PARD3: variants seen among roughly 807,000 people sequenced by gnomAD.
PARD3 encodes the protein par-3 family cell polarity regulator.
A neutral mutation model predicts 155.4 loss-of-function variants in PARD3; 75 were observed. The observed-to-expected ratio is 0.48, with a 90% CI of 0.40 to 0.58. PARD3 has a LOEUF of 0.58. Ranked by LOEUF, PARD3 falls within the 20% of genes least tolerant of loss-of-function variation. The probability of loss-of-function intolerance (pLI) is 0.00; values close to 1 mark genes in which losing one functional copy is unlikely to be tolerated. For synonymous variants in PARD3, 576 were observed against 610.5 expected (o/e 0.94, Z 0.83); for missense variants, 1,642 against 1,721.7 (o/e 0.95, Z 0.82).
chr10:34,538,623 G>A (rs1344086183), intron 2 of PARD3, among the ~76,000 whole-genome samples: 4 of 152,174 alleles, frequency 2.6e-5, no homozygotes, highest in Admixed American at 1.3e-4. Context: ...CACACCAACC[G>A]AGGGAGTGAA....
chr10:34,481,852 A>T (rs1272464925), intron 3 of PARD3, among the ~76,000 whole-genome samples: 1 of 151,966 alleles, frequency 6.6e-6, no homozygotes, highest in African/African-American at 2.4e-5. Context: ...CATTTATTTG[A>T]GACAGGGTCT....
chr10:34,473,636 G>A (rs2078509793), intron 3 of PARD3, among the ~76,000 whole-genome samples: 1 of 152,174 alleles, frequency 6.6e-6, no homozygotes, highest in Admixed American at 6.5e-5. Context: ...CCAAACTGAG[G>A]ACTGGCTAAA....
chr10:34,217,410 A>ATT (rs1952053752), intron 22 of PARD3, among the ~76,000 whole-genome samples: 1 of 152,162 alleles, frequency 6.6e-6, no homozygotes, highest in Admixed American at 6.5e-5. Flanking sequence ...CCTTTGTACA[A>ATT]GTCTCAATAC....
rs528962680 is a variant in PARD3, at chr10:34,783,150, T to A, written c.120+31726A>T. Among the ~76,000 whole-genome samples the A allele has an allele frequency of 1.2e-4, 19 of 152,344 alleles. No homozygotes were observed. In the East Asian group the frequency reaches 3.7e-3, roughly 29 times the overall value. ...AGGGACAATAGGTAAAAAGCATTAA[T>A]TTGGGAGTATAACACACTGAATGAT... On this transcript the variant is annotated intron_variant, in intron 1 of 24. Transcript: ENST00000374788.
chr10:34,219,774 G>T (rs896580152), intron 22 of PARD3, among the ~76,000 whole-genome samples: 4 of 152,160 alleles, frequency 2.6e-5, no homozygotes. Context: ...CCACTAGTGT[G>T]AGTCTATTTT....
At chr10:34,768,015 AC>A (rs1457227075) in intron 1 of PARD3, among the ~76,000 whole-genome samples, 4 of 152,246 alleles carry the variant, frequency 2.6e-5, no homozygotes, top group African/African-American at 9.6e-5. Context: ...GTTTTCAAAA[AC>A]ATATGTGCAA....
chr10:34,795,118 C>T (rs1842103457), intron 1 of PARD3, among the ~76,000 whole-genome samples: 1 of 152,216 alleles, frequency 6.6e-6, no homozygotes. Context: ...TCCAGGAGCC[C>T]TGAGCCACAG....
chr10:34,466,533 T>G (rs1490647984), intron 4 of PARD3, among the ~76,000 whole-genome samples: 1 of 152,154 alleles, frequency 6.6e-6, no homozygotes, highest in African/African-American at 2.4e-5. Context: ...CACTTAACTA[T>G]GTAGATGAGT....
chr10:34,459,571 C>A (rs2132924186), intron 4 of PARD3, among the ~76,000 whole-genome samples: 1 of 152,098 alleles, frequency 6.6e-6, no homozygotes, highest in African/African-American at 2.4e-5. Context: ...ATGCACAATA[C>A]AAAAAGAAGG....
chr10:34,367,673 A>AG (rs1840108745), intron 12 of PARD3, among the ~76,000 whole-genome samples: 1 of 152,188 alleles, frequency 6.6e-6, no homozygotes, highest in African/African-American at 2.4e-5. Flanking sequence ...ACTGCACTCC[A>AG]GCCTGGGCAA....
chr10:34,227,573 G>A (rs1487500686), intron 22 of PARD3, among the ~76,000 whole-genome samples: 1 of 152,190 alleles, frequency 6.6e-6, no homozygotes, highest in Non-Finnish European at 1.5e-5. Context: ...GGGAGGCAGA[G>A]GTTGCAGTGA....
chr10:34,766,889 T>C (rs1014206846), intron 1 of PARD3, among the ~76,000 whole-genome samples: 5 of 152,092 alleles, frequency 3.3e-5, no homozygotes, highest in African/African-American at 9.7e-5. Context: ...AGGAAAGGTT[T>C]TGTGGAAGAA....
chr10:34,476,491 T>C (rs918480629), intron 3 of PARD3, among the ~76,000 whole-genome samples: 3 of 152,026 alleles, frequency 2.0e-5, no homozygotes, highest in Non-Finnish European at 2.9e-5. Context: ...GAAATGATCT[T>C]AGTGATCCCT....
At chr10:34,124,740 T>C (rs1055436716) in intron 23 of PARD3, among the ~76,000 whole-genome samples, 1 of 152,208 alleles carries the variant, frequency 6.6e-6, no homozygotes. Flanking sequence ...TTGGTCTTAA[T>C]TGTATTTGTC....
intron 1 of PARD3, among the ~76,000 whole-genome samples, chr10:34,755,255 A>G (rs1026528074): frequency 2.0e-5 from 3 of 151,744 alleles, no homozygotes; most frequent in Non-Finnish European, 2.9e-5. Context: ...TTAAAAAAAA[A>G]AAAAAAATTA....
intron 2 of PARD3, among the ~76,000 whole-genome samples, chr10:34,633,329 C>T (rs1233631616): frequency 2.0e-5 from 3 of 152,156 alleles, no homozygotes; most frequent in Admixed American, 1.3e-4. Context: ...CCTTTGGTTA[C>T]GATCTCCCCA....
intron 2 of PARD3, among the ~76,000 whole-genome samples, chr10:34,661,976 G>A (rs1474000102): frequency 6.6e-6 from 1 of 152,188 alleles, no homozygotes; most frequent in Non-Finnish European, 1.5e-5. Context: ...GCCAGATCCT[G>A]CATGTAAGCA....
chr10:34,752,857 C>T (rs900886952), intron 1 of PARD3, among the ~76,000 whole-genome samples: 2 of 152,258 alleles, frequency 1.3e-5, no homozygotes, highest in East Asian at 1.9e-4. Flanking sequence ...GGGCTGTGTG[C>T]GAATACCTCA....
intron 1 of PARD3, among the ~76,000 whole-genome samples, chr10:34,762,471 T>C (rs1235247102): frequency 9.1e-5 from 5 of 55,220 alleles, no homozygotes; most frequent in Non-Finnish European, 2.0e-4. Context: ...ATGCCTGACT[T>C]TTTTTTTTTT....
Sources: gnomAD v4.1 joint callset for allele counts (sites outside exome capture counted in the v4.1 genomes callset) on GRCh38, gnomAD v4.1.1 for gene constraint, MANE v1.5 for transcripts, NCBI Gene and HGNC (gene_info 2026-07-23, HGNC 2026-07-21) for gene names.